INTS9: variants seen among roughly 807,000 people sequenced by gnomAD.
INTS9 encodes the protein protein related to CPSF subunits of 74 kDa.
INTS9 carries 55 observed loss-of-function variants against 79.7 expected under a neutral mutation model. That is an observed-to-expected ratio of 0.69 (90% CI 0.56 to 0.86). The LOEUF is 0.86. Among genes scored for constraint, INTS9 ranks in the 40% least tolerant of loss-of-function variants. The probability of loss-of-function intolerance (pLI) is 0.00; values close to 1 mark genes in which losing one functional copy is unlikely to be tolerated. For missense variants in INTS9, 721 were observed against 831.5 expected, an observed-to-expected ratio of 0.87 and a Z score of 1.64; for synonymous variants, 319 against 325.2, an observed-to-expected ratio of 0.98 and a Z score of 0.20.
intron 4 of INTS9, among the ~76,000 whole-genome samples, chr8:28,844,547 T>G (rs534311000): frequency 2.0e-5 from 3 of 152,098 alleles, no homozygotes; most frequent in African/African-American, 7.2e-5. Context: ...AATTATCAGC[T>G]GGGCGTGGTG....
At chr8:28,787,338 T>C (rs1290424171) in intron 11 of INTS9, among the ~76,000 whole-genome samples, 8 of 152,330 alleles carry the variant, frequency 5.3e-5, no homozygotes, top group Admixed American at 3.9e-4. Context: ...TGACAATACA[T>C]AAACCCAATT....
chr8:28,813,426 A>T lies in INTS9; in HGVS notation c.609+66T>A, dbSNP rs569165216. 7.3e-6 allele frequency: 11 copies of T among 1,515,336 alleles called. No individual in the cohort carries two copies. In the African/African-American group the frequency reaches 1.4e-4, roughly 19 times the overall value. The allele number at this position is 1,515,336 out of a possible 1,614,324, so 93.9% of individuals were successfully genotyped here. A position where few individuals can be genotyped will look rare whatever the true frequency, so the allele number is the denominator to read the frequency against. On this transcript the variant is annotated intron_variant, in intron 7 of 16. Coordinates refer to ENST00000521022, the MANE Select transcript of INTS9 (RefSeq NM_018250.4). The stretch of plus-strand genomic sequence containing the variant: ...AAAAACGTAACTATAGGATTCTTCC[A>T]AACAACAAACAACAATATGAATGGA...
At chr8:28,845,613 C>T (rs1024009224) in intron 4 of INTS9, among the ~76,000 whole-genome samples, 5 of 152,162 alleles carry the variant, frequency 3.3e-5, no homozygotes, top group Non-Finnish European at 5.9e-5. Context: ...TGGCGTGACA[C>T]GTGGTCAACT....
chr8:28,800,521 G>A (rs574524584), intron 8 of INTS9, among the ~76,000 whole-genome samples: 1 of 152,318 alleles, frequency 6.6e-6, no homozygotes, highest in African/African-American at 2.4e-5. Context: ...TCTGGTAACA[G>A]CAATTACAGG....
At chr8:28,807,602 T>TA (rs1563264472) in intron 8 of INTS9, among the ~76,000 whole-genome samples, 1 of 152,222 alleles carries the variant, frequency 6.6e-6, no homozygotes, top group East Asian at 1.9e-4. Context: ...TGCAGTTCAC[T>TA]ACATTAATGG....
chr8:28,880,591 C>T (rs1438434376), intron 1 of INTS9, among the ~76,000 whole-genome samples: 1 of 151,326 alleles, frequency 6.6e-6, no homozygotes, highest in Non-Finnish European at 1.5e-5. Context: ...AGTGCAGCGG[C>T]GTGATCTCGG....
chr8:28,772,658 T>G (rs1802615333), intron 14 of INTS9, among the ~76,000 whole-genome samples: 1 of 151,750 alleles, frequency 6.6e-6, no homozygotes, highest in Non-Finnish European at 1.5e-5. Flanking sequence ...ATACAATAAA[T>G]TATCCAGGTG....
intron 1 of INTS9, among the ~76,000 whole-genome samples, chr8:28,885,212 G>A (rs1441161827): frequency 6.6e-6 from 1 of 152,190 alleles, no homozygotes; most frequent in African/African-American, 2.4e-5. Context: ...AATGTATTTC[G>A]TGGCCTTCTC....
At chr8:28,865,235 C>T (rs2131314342) in intron 1 of INTS9, among the ~76,000 whole-genome samples, 1 of 151,804 alleles carries the variant, frequency 6.6e-6, no homozygotes, top group South Asian at 2.1e-4. Context: ...TCATTTTTAA[C>T]TGTGCAGATA....
intron 8 of INTS9, among the ~76,000 whole-genome samples, chr8:28,799,032 C>A (rs1265006120): frequency 6.6e-6 from 1 of 152,200 alleles, no homozygotes; most frequent in Non-Finnish European, 1.5e-5. Flanking sequence ...CTCAGTGGCT[C>A]ACACCTGTAA....
At chr8:28,804,436 T>A (rs1343343013) in intron 8 of INTS9, among the ~76,000 whole-genome samples, 1 of 152,102 alleles carries the variant, frequency 6.6e-6, no homozygotes, top group Non-Finnish European at 1.5e-5. Flanking sequence ...CGTATTACAG[T>A]TGGCAGATTG....
intron 6 of INTS9, 83 bp from the exon 7 acceptor site, chr8:28,813,695 G>T: frequency 6.9e-7 from 1 of 1,449,948 alleles, no homozygotes; most frequent in South Asian, 1.2e-5. Flanking sequence ...TTGTCCATTT[G>T]ATCCAAATGG....
rs1808496386 is a variant in INTS9 at position 28,862,134 on chromosome 8, C to T, written c.10-2571G>A. 7.1e-6 allele frequency: 7 copies of T among 985,466 alleles called. No individual in the cohort carries two copies. The South Asian group carries it at 2.3e-4, about 33-fold the overall frequency. The allele number at this position is 985,466 out of a possible 1,614,324, so 61.0% of individuals were successfully genotyped here. A position where few individuals can be genotyped will look rare whatever the true frequency, so the allele number is the denominator to read the frequency against. On this transcript the variant is annotated intron_variant, in intron 1 of 16. Transcript: ENST00000521022. ...TTGCAAAGGGCCCAGACCCTGTGGC[C>T]TCCAGCGATGCTCTTTGTGCAATTC...
chr8:28,866,100 G>C (rs1035580348), intron 1 of INTS9, among the ~76,000 whole-genome samples: 3 of 152,072 alleles, frequency 2.0e-5, no homozygotes, highest in Non-Finnish European at 4.4e-5. Flanking sequence ...TTCAAATCTA[G>C]AAGTCCTCTT....
intron 4 of INTS9, among the ~76,000 whole-genome samples, chr8:28,842,667 C>CTT (rs376848209): frequency 6.8e-6 from 1 of 146,934 alleles, no homozygotes. Flanking sequence ...TCACCTCCCA[C>CTT]TTTTTTTTTT....
chr8:28,775,914 C>T lies in INTS9; in HGVS notation c.1408G>A (p.Val470Met), dbSNP rs753034116. 34 of 1,565,846 alleles carry T rather than the reference C, an allele frequency of 2.2e-5. No individual in the cohort carries two copies. Among genetic ancestry groups the T allele is most frequent in the Non-Finnish European group, 2.9e-5 (33 of 1,155,764 alleles). Reference protein sequence around the residue: ...LLKEVQPLHVVCPEQYTQPPP... With the variant: ...LLKEVQPLHVMCPEQYTQPPP... ...GGCTGAGTGTACTGCTCAGGACACA[C>T]CACGTGCAGGGGCTGAGGAACCAAT... The change falls in exon 14 of 17, where the codon GTG (valine) becomes ATG (methionine). Residue 470 changes from valine (V) to methionine (M), a missense_variant. This residue lies in a region of INTS9 where 281 missense variants were observed against 300.8 expected (regional missense o/e 0.93). Transcript: ENST00000521022.
At chr8:28,850,105 GAAAA>G in intron 3 of INTS9, 104 bp downstream of exon 3, 9 of 653,970 alleles carry the variant, frequency 1.4e-5, no homozygotes, top group South Asian at 4.6e-5. Context: ...TTTCAGAGAG[GAAAA>G]AAAAAAAAAG....
At chr8:28,836,976 AT>A (rs928720467) in intron 5 of INTS9, among the ~76,000 whole-genome samples, 13 of 151,768 alleles carry the variant, frequency 8.6e-5, no homozygotes, top group African/African-American at 2.2e-4. Flanking sequence ...AAATTGACAA[AT>A]TTTTTTTTCT....
chr8:28,824,985 C>G (rs1806064964), intron 6 of INTS9, among the ~76,000 whole-genome samples: 1 of 152,232 alleles, frequency 6.6e-6, no homozygotes, highest in African/African-American at 2.4e-5. Flanking sequence ...TGCTCCAACA[C>G]AGCCCCAGAA....
Sources: gnomAD v4.1 joint callset for allele counts (sites outside exome capture counted in the v4.1 genomes callset) on GRCh38, gnomAD v4.1.1 for gene constraint, gnomAD v4.1.1 regional missense constraint, MANE v1.5 for transcripts, NCBI Gene and HGNC (gene_info 2026-07-23, HGNC 2026-07-21) for gene names.